The following AQP9 variants were observed in gnomAD, a reference collection of about 807,000 sequenced individuals.
AQP9 encodes the protein aquaporin 9.
AQP9 carries 19 observed loss-of-function variants against 23.8 expected under a neutral mutation model. That is an observed-to-expected ratio of 0.80 (90% CI 0.56 to 1.17). AQP9 has a LOEUF of 1.17. Among genes scored for constraint, AQP9 ranks in the 50% most tolerant of loss-of-function variants. The pLI, the probability that AQP9 is intolerant of heterozygous loss-of-function variation, is 0.00. For missense variants in AQP9, 413 were observed against 362.0 expected, an observed-to-expected ratio of 1.14 and a Z score of -1.14; for synonymous variants, 153 against 131.5, an observed-to-expected ratio of 1.16 and a Z score of -1.12.
intron 1 of AQP9, among the ~76,000 whole-genome samples, chr15:58,159,657 T>C (rs1898333776): frequency 6.6e-6 from 1 of 152,192 alleles, no homozygotes; most frequent in African/African-American, 2.4e-5. Flanking sequence ...ACCTTTCTTC[T>C]TTCCTCCGCC....
intron 1 of AQP9, chr15:58,151,249 T>C (rs1171138225): frequency 6.6e-6 from 1 of 152,170 alleles, no homozygotes; most frequent in African/African-American, 2.4e-5. Context: ...GAAGCCGCAG[T>C]ATGCCTTGCC....
chr15:58,169,508 G>T (rs1228461612), intron 2 of AQP9, among the ~76,000 whole-genome samples: 1 of 152,136 alleles, frequency 6.6e-6, no homozygotes, highest in Admixed American at 6.5e-5. Context: ...GATTGTGTGT[G>T]GGAGGTGACT....
rs753353452 is a variant in AQP9, at chr15:58,166,814, T to C, written c.238+15T>C. On this transcript the variant is annotated intron_variant, in intron 2 of 5. Coordinates refer to ENST00000219919, the MANE Select transcript of AQP9 (RefSeq NM_020980.5). ...CGGTGTCTCTGGTAAGCAGTAGAAATAATGAATGCTGCTCTTAATTCAGCC... is the reference window on the plus strand; with the variant it reads ...CGGTGTCTCTGGTAAGCAGTAGAAACAATGAATGCTGCTCTTAATTCAGCC... 1 of 1,612,408 alleles carries C rather than the reference T, an allele frequency of 6.2e-7. No individual in the cohort carries two copies. The highest frequency in any genetic ancestry group is 8.5e-7 in the Non-Finnish European group (1 of 1,178,994).
At chr15:58,175,726 A>G (rs1282050196) in intron 4 of AQP9, among the ~76,000 whole-genome samples, 5 of 124,336 alleles carry the variant, frequency 4.0e-5, no homozygotes, top group African/African-American at 1.3e-4. Flanking sequence ...CTCTATGATC[A>G]GGACTTATAC....
rs1898993207 is a variant in AQP9 at position 58,185,110 on chromosome 15, C to T, written c.*975C>T. On this transcript the variant is annotated 3_prime_UTR_variant, in exon 6 of 6. Coordinates refer to ENST00000219919, the MANE Select transcript of AQP9 (RefSeq NM_020980.5). ...AAAGATATTACCTTATTGGGCTTAACAATTCACAAGGCACTTTCACACCCA... is the reference window on the plus strand; with the variant it reads ...AAAGATATTACCTTATTGGGCTTAATAATTCACAAGGCACTTTCACACCCA... 1 of 152,202 alleles carries T rather than the reference C, an allele frequency of 6.6e-6. No homozygotes were observed. The highest frequency in any genetic ancestry group is 2.1e-4 in the South Asian group (1 of 4,836). The allele number at this position is 152,202 out of a possible 1,614,324, so 9.4% of individuals were successfully genotyped here. A position where few individuals can be genotyped will look rare whatever the true frequency, so the allele number is the denominator to read the frequency against.
At position 58,140,554 on chromosome 15, in the gene AQP9, A is replaced by G. The variant is rs144080662; in HGVS notation, c.111+1878A>G. On this transcript the variant is annotated intron_variant, in intron 1 of 5. Transcript: ENST00000219919. ...AGCTTGTGGGGATGTATAAACAAAA[A>G]GTTCCTGCACAAACACAATTTTTTT... 1.4e-4 allele frequency among the ~76,000 whole-genome samples: 21 copies of G among 152,352 alleles called. No homozygotes were observed. In the East Asian group the frequency reaches 3.7e-3, roughly 27 times the overall value.
At chr15:58,175,187 C>T (rs143857284) in intron 4 of AQP9, 151 bp downstream of exon 4, 11 of 767,120 alleles carry the variant, frequency 1.4e-5, no homozygotes, top group African/African-American at 1.1e-4. Context: ...TCTTGATAAT[C>T]GTTTTACCTT....
intron 5 of AQP9, among the ~76,000 whole-genome samples, chr15:58,182,156 T>C (rs1212100125): frequency 2.0e-5 from 3 of 152,302 alleles, no homozygotes; most frequent in Admixed American, 6.5e-5. Context: ...TGTTAAGATG[T>C]TTCCCATCAA....
chr15:58,178,963 T>A (rs1248827646), intron 4 of AQP9, among the ~76,000 whole-genome samples, 165 bp from the exon 5 acceptor site: 1 of 152,226 alleles, frequency 6.6e-6, no homozygotes, highest in African/African-American at 2.4e-5. Flanking sequence ...GAAGAGAGAC[T>A]GGCACAATTA....
At chr15:58,171,231 G>A (rs1289555248) in intron 2 of AQP9, among the ~76,000 whole-genome samples, 1 of 152,056 alleles carries the variant, frequency 6.6e-6, no homozygotes, top group Non-Finnish European at 1.5e-5. Flanking sequence ...GGGAATGCAG[G>A]TGCCTGCCAC....
intron 4 of AQP9, among the ~76,000 whole-genome samples, chr15:58,177,266 T>C (rs1898779557): frequency 6.6e-6 from 1 of 152,238 alleles, no homozygotes; most frequent in Non-Finnish European, 1.5e-5. Flanking sequence ...AACTATTTAC[T>C]GGGCACCTAC....
rs576026776 is a variant in AQP9 at position 58,178,350 on chromosome 15, T to TA, written c.496-771dup. Among the ~76,000 whole-genome samples, 123 of 152,300 alleles carry TA rather than the reference T, an allele frequency of 8.1e-4. 1 individual carries two copies. In the East Asian group the frequency reaches 0.018, roughly 22 times the overall value. ...AGTTTTTAATGGCTATACAGTAGAC[T>TA]AAAAAAAGAGTAAAAGCTTCCAGTT... is the stretch of plus-strand genomic sequence containing the variant. On this transcript the variant is annotated intron_variant, in intron 4 of 5. Coordinates refer to ENST00000219919, the MANE Select transcript of AQP9 (RefSeq NM_020980.5).
rs76627459 is a variant in AQP9 at position 58,170,049 on chromosome 15, A to G, written c.239-3019A>G. ...GCTGTGCCCGCGGGCCCTTTATGTG[A>G]ATAATCTGATTGTCCCAGCAACCTC... is the stretch of plus-strand genomic sequence containing the variant. On this transcript the variant is annotated intron_variant, in intron 2 of 5. Coordinates refer to ENST00000219919, the MANE Select transcript of AQP9 (RefSeq NM_020980.5). 4.4e-3 allele frequency among the ~76,000 whole-genome samples: 673 copies of G among 152,164 alleles called. 7 individuals carry two copies. Among genetic ancestry groups the G allele is most frequent in the Non-Finnish European group, 6.9e-3 (470 of 67,998 alleles).
Position 58,174,781 on chromosome 15 carries a change from C to T in AQP9, c.377-137C>T, listed in dbSNP as rs1280205619. 46 of 707,494 alleles carry T rather than the reference C, an allele frequency of 6.5e-5. 1 individual carries two copies. Among genetic ancestry groups the T allele is most frequent in the South Asian group, 5.5e-4 (31 of 56,438 alleles). The allele number at this position is 707,494 out of a possible 1,614,324, so 43.8% of individuals were successfully genotyped here. On this transcript the variant is annotated intron_variant, in intron 3 of 5. Coordinates refer to ENST00000219919, the MANE Select transcript of AQP9 (RefSeq NM_020980.5). ...GGGCATCTCTAAAACTATCATTCCT[C>T]GGAAGTAGAGAGAGACAAATGACAT...
At chr15:58,183,105 G>A (rs1310565476) in intron 5 of AQP9, among the ~76,000 whole-genome samples, 2 of 152,164 alleles carry the variant, frequency 1.3e-5, no homozygotes, top group African/African-American at 4.8e-5. Flanking sequence ...ATTCTTACAT[G>A]CCTCTGGGTA....
intron 4 of AQP9, among the ~76,000 whole-genome samples, chr15:58,176,795 G>C (rs1711054): frequency 0.48 from 73,272 of 151,386 alleles, 18,376 homozygotes; most frequent in Admixed American, 0.61. Flanking sequence ...ATTTTTAGTA[G>C]AGACGGGGTT....
At chr15:58,149,486 C>G (rs1429900042) in intron 1 of AQP9, among the ~76,000 whole-genome samples, 2 of 152,092 alleles carry the variant, frequency 1.3e-5, no homozygotes, top group African/African-American at 4.8e-5. Flanking sequence ...CTTTGGTTTC[C>G]TAGTTTGTAA....
At position 58,166,712 on chromosome 15, in the gene AQP9, C is replaced by T. The variant is rs370192849; in HGVS notation, c.151C>T (p.Arg51Ter). ...CGCVAQAILS[R>*]GRFGGVITIN... Reference sequence around the variant, plus strand: ...CTGTGTTGCCCAAGCTATTCTCAGTCGAGGACGTTTTGGAGGGGTCATCAC... The same window carrying T: ...CTGTGTTGCCCAAGCTATTCTCAGTTGAGGACGTTTTGGAGGGGTCATCAC... The change falls in exon 2 of 6, where the codon CGA (arginine) becomes TGA (stop). Residue 51 changes from arginine (R) to a stop codon, truncating the protein, a stop_gained. Coordinates refer to ENST00000219919, the MANE Select transcript of AQP9 (RefSeq NM_020980.5). LOFTEE classifies it high-confidence loss of function. 22 of 1,613,232 alleles carry T rather than the reference C, an allele frequency of 1.4e-5. No homozygotes were observed. The highest frequency in any genetic ancestry group is 3.3e-5 in the South Asian group (3 of 90,910).
chr15:58,179,983 G>A (rs1898846700), intron 5 of AQP9, among the ~76,000 whole-genome samples: 1 of 152,174 alleles, frequency 6.6e-6, no homozygotes, highest in Non-Finnish European at 1.5e-5. Flanking sequence ...GGAGATATGA[G>A]TAAGAACTTC....
Sources: gnomAD v4.1 joint callset for allele counts (sites outside exome capture counted in the v4.1 genomes callset) on GRCh38, gnomAD v4.1.1 for gene constraint, MANE v1.5 for transcripts, NCBI Gene and HGNC (gene_info 2026-07-23, HGNC 2026-07-21) for gene names.